CDH12: variants seen among roughly 807,000 people sequenced by gnomAD.
CDH12 encodes the protein cadherin-12.
CDH12 carries 41 observed loss-of-function variants against 74.1 expected under a neutral mutation model. The observed-to-expected ratio is 0.55, with a 90% CI of 0.43 to 0.72. The LOEUF (loss-of-function observed/expected upper bound fraction) is 0.72. Ranked by LOEUF, CDH12 falls within the 30% of genes least tolerant of loss-of-function variation. The pLI is 0.00. For missense variants in CDH12, 945 were observed against 977.2 expected, an observed-to-expected ratio of 0.97 and a Z score of 0.44; for synonymous variants, 399 against 355.0, an observed-to-expected ratio of 1.12 and a Z score of -1.39.
chr5:22,166,253 C>T (rs1045160753), intron 4 of CDH12, among the ~76,000 whole-genome samples: 12 of 152,046 alleles, frequency 7.9e-5, no homozygotes, highest in African/African-American at 2.2e-4. Context: ...CTCTCTTGTT[C>T]GTTGATGTAT....
intron 1 of CDH12, among the ~76,000 whole-genome samples, chr5:22,605,691 G>A (rs914755243): frequency 2.0e-5 from 3 of 152,362 alleles, no homozygotes; most frequent in Middle Eastern, 6.8e-3. Flanking sequence ...TTCCCCACAG[G>A]CCTTGCCTGT....
chr5:22,052,180 GCTGT>G (rs1425185942), intron 5 of CDH12, among the ~76,000 whole-genome samples: 1 of 152,042 alleles, frequency 6.6e-6, no homozygotes, highest in Admixed American at 6.6e-5. Flanking sequence ...TAAAAACAAC[GCTGT>G]CTATTACATT....
At chr5:21,958,254 C>T (rs1456674675) in intron 6 of CDH12, among the ~76,000 whole-genome samples, 2 of 152,064 alleles carry the variant, frequency 1.3e-5, no homozygotes, top group African/African-American at 2.4e-5. Flanking sequence ...TTATAAATTA[C>T]TCAGTCTCTG....
intron 4 of CDH12, among the ~76,000 whole-genome samples, chr5:22,131,063 A>G (rs1218062134): frequency 6.6e-6 from 1 of 152,084 alleles, no homozygotes; most frequent in East Asian, 1.9e-4. Flanking sequence ...AATAATGTTC[A>G]TTGAATTTAT....
chr5:22,260,616 A>C (rs566605721), intron 3 of CDH12, among the ~76,000 whole-genome samples: 11 of 152,114 alleles, frequency 7.2e-5, no homozygotes, highest in African/African-American at 2.2e-4. Context: ...GAACTACTTA[A>C]AAATGTAATT....
At chr5:22,579,161 T>C (rs1434202374) in intron 1 of CDH12, among the ~76,000 whole-genome samples, 1 of 152,164 alleles carries the variant, frequency 6.6e-6, no homozygotes, top group Admixed American at 6.5e-5. Context: ...GTATACTACT[T>C]ATAGATATGA....
At position 22,808,605 on chromosome 5, in the gene CDH12, C is replaced by CTTTTTTTTTTTT. The variant is rs34567315; in HGVS notation, c.-523+44441_-523+44452dup. 1.1e-4 allele frequency among the ~76,000 whole-genome samples: 12 copies of CTTTTTTTTTTTT among 111,484 alleles called. 1 individual carries two copies. Among genetic ancestry groups the CTTTTTTTTTTTT allele is most frequent in the East Asian group, 2.6e-4 (1 of 3,832 alleles). 73.1% of individuals were successfully genotyped at this position (111,484 alleles called of 152,430 possible). On this transcript the variant is annotated intron_variant, in intron 1 of 14. Coordinates refer to ENST00000382254, the MANE Select transcript of CDH12 (RefSeq NM_004061.5). ...CATAGATTTTCTTTTCTTTTCTTGTCTTTTTTTTTTTTTTTTTTTGAGATG... is the reference window on the plus strand; with the variant it reads ...CATAGATTTTCTTTTCTTTTCTTGTCTTTTTTTTTTTTTTTTTTTTTTTTTTTTTTTGAGATG...
chr5:22,512,428 G>A (rs1736651424), intron 1 of CDH12, among the ~76,000 whole-genome samples: 1 of 152,122 alleles, frequency 6.6e-6, no homozygotes, highest in African/African-American at 2.4e-5. Flanking sequence ...AATGTAAGCT[G>A]AGAGACATGT....
At chr5:21,892,423 G>C (rs77154050) in intron 6 of CDH12, among the ~76,000 whole-genome samples, 2,032 of 152,116 alleles carry the variant, frequency 0.013, 53 homozygotes, top group African/African-American at 0.044. Context: ...GTGGTGGCGG[G>C]AAAAAGTAAA....
intron 1 of CDH12, among the ~76,000 whole-genome samples, chr5:22,575,454 G>A (rs1739736964): frequency 6.6e-6 from 1 of 151,640 alleles, no homozygotes. Flanking sequence ...GGGCAGTGGT[G>A]TGACCATGGC....
intron 5 of CDH12, among the ~76,000 whole-genome samples, chr5:22,000,042 G>A (rs1482966187): frequency 4.0e-5 from 6 of 151,892 alleles, no homozygotes; most frequent in Non-Finnish European, 8.8e-5. Flanking sequence ...TGTTTGAGCC[G>A]ATCTGCTCAT....
In CDH12 at chr5:21,817,215, A is replaced by C. The variant is rs1748109925; in HGVS notation, c.815-83T>G. On this transcript the variant is annotated intron_variant, in intron 8 of 14. Coordinates refer to ENST00000382254, the MANE Select transcript of CDH12 (RefSeq NM_004061.5). ...TTACAAGGCTTGAAAAATAGAGTCCACTGAAAGTAAATCACATTTAGAACA... is the reference window on the plus strand; with the variant it reads ...TTACAAGGCTTGAAAAATAGAGTCCCCTGAAAGTAAATCACATTTAGAACA... The C allele has an allele frequency of 4.5e-6, 4 of 885,768 alleles. No homozygotes were observed. The Admixed American group carries it at 1.1e-4, about 25-fold the overall frequency. The allele number at this position is 885,768 out of a possible 1,614,324, so 54.9% of individuals were successfully genotyped here. A position where few individuals can be genotyped will look rare whatever the true frequency, so the allele number is the denominator to read the frequency against.
In CDH12 at chr5:22,642,611, C is replaced by T. The variant is rs527283285; in HGVS notation, c.-522-137247G>A. On this transcript the variant is annotated intron_variant, in intron 1 of 14. Coordinates refer to ENST00000382254, the MANE Select transcript of CDH12 (RefSeq NM_004061.5). ...AAATCAGAATGCCAGAAATCTAAGT[C>T]GAGGCCATAGGGAGTTTAACAAAAA... Among the ~76,000 whole-genome samples, 6 of 152,150 alleles carry T rather than the reference C, an allele frequency of 3.9e-5. No homozygotes were observed. In the South Asian group the frequency reaches 8.3e-4, roughly 21 times the overall value.
At chr5:22,593,694 C>T (rs781700154) in intron 1 of CDH12, among the ~76,000 whole-genome samples, 5 of 152,160 alleles carry the variant, frequency 3.3e-5, no homozygotes, top group Non-Finnish European at 7.3e-5. Context: ...ATAGTAAATA[C>T]CAGTAAGGAC....
At chr5:22,424,503 C>G (rs1407242400) in intron 2 of CDH12, among the ~76,000 whole-genome samples, 1 of 152,144 alleles carries the variant, frequency 6.6e-6, no homozygotes, top group African/African-American at 2.4e-5. Flanking sequence ...CCAACTGCCA[C>G]CAGAAAGTCT....
intron 3 of CDH12, among the ~76,000 whole-genome samples, chr5:22,320,393 G>T (rs1031411427): frequency 6.6e-6 from 1 of 152,082 alleles, no homozygotes; most frequent in Non-Finnish European, 1.5e-5. Context: ...TCATGCAGGA[G>T]AATTTTTTGA....
chr5:21,889,788 A>G (rs1752813968), intron 6 of CDH12: 1 of 985,022 alleles, frequency 1.0e-6, no homozygotes, highest in Non-Finnish European at 1.2e-6. Context: ...CATAAAAGCA[A>G]TACTACTATT....
At chr5:22,098,309 A>G (rs753674145) in intron 4 of CDH12, among the ~76,000 whole-genome samples, 2 of 151,764 alleles carry the variant, frequency 1.3e-5, no homozygotes, top group Non-Finnish European at 2.9e-5. Context: ...CTCCATGCTG[A>G]TCGTGTCCAG....
intron 2 of CDH12, among the ~76,000 whole-genome samples, chr5:22,498,437 C>T (rs271106): frequency 0.93 from 141,825 of 152,020 alleles, 66,247 homozygotes; most frequent in Admixed American, 0.97. Flanking sequence ...TTTTCAACAC[C>T]ATATTTGAGT....
Sources: gnomAD v4.1 joint callset for allele counts (sites outside exome capture counted in the v4.1 genomes callset) on GRCh38, gnomAD v4.1.1 for gene constraint, MANE v1.5 for transcripts, NCBI Gene and HGNC (gene_info 2026-07-23, HGNC 2026-07-21) for gene names.